CACNA2D1: variants seen among roughly 807,000 people sequenced by gnomAD.
CACNA2D1 encodes the protein calcium voltage-gated channel auxiliary subunit alpha2delta 1.
CACNA2D1 carries 53 observed loss-of-function variants against 171.5 expected under a neutral mutation model. The ratio of observed to expected loss-of-function variants is 0.31; its 90% CI spans 0.25 to 0.39. The LOEUF is 0.39. Among genes scored for constraint, CACNA2D1 ranks in the 10% least tolerant of loss-of-function variants. CACNA2D1 has a pLI of 1.00. For synonymous variants in CACNA2D1, 442 were observed against 443.1 expected, an observed-to-expected ratio of 1.00 and a Z score of 0.03; for missense variants, 903 against 1,299.8, an observed-to-expected ratio of 0.69 and a Z score of 4.69.
chr7:82,071,684 G>A, intron 7 of CACNA2D1, among the ~76,000 whole-genome samples: 1 of 152,168 alleles, frequency 6.6e-6, no homozygotes, highest in Non-Finnish European at 1.5e-5. Flanking sequence ...AGAATGGCCT[G>A]TAACAGGGCT....
chr7:82,181,215 C>T (rs767206385), intron 3 of CACNA2D1, among the ~76,000 whole-genome samples: 4 of 151,758 alleles, frequency 2.6e-5, no homozygotes, highest in African/African-American at 4.8e-5. Flanking sequence ...GATGTCAAGG[C>T]AGTAACCATG....
intron 18 of CACNA2D1, among the ~76,000 whole-genome samples, chr7:82,000,767 C>CTTTTTTT (rs1798510044): frequency 4.2e-5 from 2 of 47,230 alleles, no homozygotes; most frequent in South Asian, 8.9e-4. Flanking sequence ...ACTAATTTTT[C>CTTTTTTT]TTTCTTTTTT....
chr7:82,125,771 C>T (rs538737208), intron 5 of CACNA2D1, among the ~76,000 whole-genome samples: 200 of 152,174 alleles, frequency 1.3e-3, no homozygotes, highest in Non-Finnish European at 2.2e-3. Context: ...CAATCTTCCC[C>T]GTTTGTGTTT....
At chr7:82,181,261 C>T (rs1797115602) in intron 3 of CACNA2D1, among the ~76,000 whole-genome samples, 1 of 151,826 alleles carries the variant, frequency 6.6e-6, no homozygotes. Flanking sequence ...TCTGGCTGAG[C>T]CAGCTTGTCA....
chr7:82,240,807 A>G (rs1021301579), intron 3 of CACNA2D1, among the ~76,000 whole-genome samples: 38 of 152,008 alleles, frequency 2.5e-4, no homozygotes, highest in Non-Finnish European at 4.1e-4. Flanking sequence ...TCTCTACTAA[A>G]AATACAAAAA....
chr7:82,350,108 GT>G (rs1819682508), intron 1 of CACNA2D1, among the ~76,000 whole-genome samples: 1 of 152,094 alleles, frequency 6.6e-6, no homozygotes, highest in Non-Finnish European at 1.5e-5. Context: ...CCCTTCTAGT[GT>G]TTTAAAATTC....
intron 5 of CACNA2D1, among the ~76,000 whole-genome samples, chr7:82,131,985 T>C (rs1272329138): frequency 1.3e-5 from 2 of 152,164 alleles, no homozygotes; most frequent in African/African-American, 4.8e-5. Flanking sequence ...ATGAGATAAG[T>C]AACAATCTTT....
chr7:82,225,407 T>A (rs1254972658), intron 3 of CACNA2D1, among the ~76,000 whole-genome samples: 2 of 152,210 alleles, frequency 1.3e-5, no homozygotes, highest in African/African-American at 4.8e-5. Context: ...AATCTGAAAT[T>A]CTACCTACTA....
chr7:82,441,305 G>T (rs1247993093), intron 1 of CACNA2D1, among the ~76,000 whole-genome samples: 5 of 152,006 alleles, frequency 3.3e-5, no homozygotes, highest in Non-Finnish European at 7.4e-5. Context: ...AGATGCAGAA[G>T]GCTTCCAAAA....
intron 3 of CACNA2D1, among the ~76,000 whole-genome samples, chr7:82,198,094 G>A (rs1485160785): frequency 6.6e-6 from 1 of 150,480 alleles, no homozygotes; most frequent in Non-Finnish European, 1.5e-5. Context: ...TATACCCCCA[G>A]TATAAAACAA....
intron 5 of CACNA2D1, among the ~76,000 whole-genome samples, chr7:82,132,521 A>G (rs1791112561): frequency 6.6e-6 from 1 of 152,158 alleles, no homozygotes; most frequent in Non-Finnish European, 1.5e-5. Context: ...ACATGCCCCT[A>G]AAGGCAAAGG....
chr7:81,983,469 T>G, intron 22 of CACNA2D1, 135 bp from the exon 23 acceptor site: 1 of 724,852 alleles, frequency 1.4e-6, no homozygotes, highest in South Asian at 1.6e-5. Flanking sequence ...GGTTCATTTA[T>G]GTACAGCTGT....
chr7:82,394,697 T>G (rs1357082918), intron 1 of CACNA2D1, among the ~76,000 whole-genome samples: 1 of 152,158 alleles, frequency 6.6e-6, no homozygotes, highest in East Asian at 1.9e-4. Flanking sequence ...TCATAAAGAT[T>G]TATCAAATTC....
intron 38 of CACNA2D1, among the ~76,000 whole-genome samples, chr7:81,958,378 G>A (rs183561772): frequency 6.6e-6 from 1 of 152,064 alleles, no homozygotes; most frequent in Non-Finnish European, 1.5e-5. Flanking sequence ...TGCTTTACAA[G>A]TTTGGATATT....
At chr7:82,442,977 C>A (rs556889927) in intron 1 of CACNA2D1, among the ~76,000 whole-genome samples, 1 of 152,374 alleles carries the variant, frequency 6.6e-6, no homozygotes, top group Admixed American at 6.5e-5. Context: ...AATTACCCAA[C>A]CAAAACATAA....
At chr7:82,017,544 T>C (rs1406117578) in intron 12 of CACNA2D1, among the ~76,000 whole-genome samples, 2 of 152,114 alleles carry the variant, frequency 1.3e-5, no homozygotes, top group Non-Finnish European at 2.9e-5. Flanking sequence ...CCATGTGGAA[T>C]AGTCAATGAA....
intron 3 of CACNA2D1, 84 bp from the exon 4 acceptor site, chr7:82,170,693 A>AT (rs1795929300): frequency 8.3e-7 from 1 of 1,207,244 alleles, no homozygotes; most frequent in Non-Finnish European, 1.2e-6. Flanking sequence ...TTTCTAATCA[A>AT]TTTTGAGGAC....
Position 81,950,415 on chromosome 7 carries a change from C to T in CACNA2D1, c.3253G>A (p.Gly1085Ser). The stretch of plus-strand genomic sequence containing the variant: ...GGTCATAACAGGCGGTGTGTGCTGC[C>T]AGATACCAGCCAAAGTAGTAGAAAC... Reference protein sequence around the residue: ...IQFLLLWLVSGSTHRLL With the variant: ...IQFLLLWLVSSSTHRLL Residue 1085 changes from glycine (G) to serine (S), a missense_variant, in exon 39 of 39, where the codon GGC becomes AGC. Around this residue, in one of 5 missense-constraint regions of CACNA2D1, gnomAD observed 38 missense variants for 29.2 expected, o/e 1.30. Coordinates refer to ENST00000356860, the MANE Select transcript of CACNA2D1 (RefSeq NM_000722.4). 6.2e-7 allele frequency: 1 copy of T among 1,612,960 alleles called. No individual in the cohort carries two copies. Among genetic ancestry groups the T allele is most frequent in the Non-Finnish European group, 8.5e-7 (1 of 1,179,516 alleles).
chr7:82,380,723 C>A (rs1823600252), intron 1 of CACNA2D1, among the ~76,000 whole-genome samples: 1 of 152,046 alleles, frequency 6.6e-6, no homozygotes. Context: ...GAGACAGAGT[C>A]TTGCTCTGTC....
Sources: gnomAD v4.1 joint callset for allele counts (sites outside exome capture counted in the v4.1 genomes callset) on GRCh38, gnomAD v4.1.1 for gene constraint, gnomAD v4.1.1 regional missense constraint, MANE v1.5 for transcripts, NCBI Gene and HGNC (gene_info 2026-07-23, HGNC 2026-07-21) for gene names.